The following IGF2BP1 variants were observed in gnomAD, a reference collection of about 807,000 sequenced individuals.
The protein encoded by IGF2BP1 is insulin-like growth factor 2 mRNA-binding protein 1.
A neutral mutation model predicts 74.9 loss-of-function variants in IGF2BP1; 11 were observed. That is an observed-to-expected ratio of 0.15 (90% CI 0.09 to 0.24). The LOEUF (loss-of-function observed/expected upper bound fraction) is 0.24. Ranked by LOEUF, IGF2BP1 falls within the 10% of genes least tolerant of loss-of-function variation. The probability of loss-of-function intolerance (pLI) is 1.00; values close to 1 mark genes in which losing one functional copy is unlikely to be tolerated. For synonymous variants in IGF2BP1, 287 were observed against 281.8 expected (o/e 1.02, Z -0.18); for missense variants, 440 against 757.4 (o/e 0.58, Z 4.92).
At chr17:49,036,540 G>A (rs2041990943) in intron 5 of IGF2BP1, 1 of 151,582 alleles carries the variant, frequency 6.6e-6, no homozygotes, top group African/African-American at 2.4e-5. Context: ...TTTTTTTTGT[G>A]CACCAGCAGC....
chr17:49,026,649 C>G, intron 4 of IGF2BP1, 132 bp downstream of exon 4: 1 of 645,654 alleles, frequency 1.5e-6, no homozygotes, highest in Non-Finnish European at 2.7e-6. Context: ...TCCTTCCTGC[C>G]TGCCTTCCTG....
chr17:49,055,603 C>T lies in IGF2BP1; in HGVS notation c.*6159C>T, dbSNP rs1308039685. ...GTAAAAGCACGTTCAAAATGAATTT[C>T]AGCAGATTATGTGTTACCATAATGA... On this transcript the variant is annotated 3_prime_UTR_variant, in exon 15 of 15. Transcript: ENST00000290341. The T allele has an allele frequency of 5.0e-6, 2 of 398,514 alleles. No homozygotes were observed. The highest frequency in any genetic ancestry group is 4.1e-5 in the African/African-American group (2 of 48,630). 24.7% of individuals were successfully genotyped at this position (398,514 alleles called of 1,614,324 possible).
intron 14 of IGF2BP1, among the ~76,000 whole-genome samples, chr17:49,048,620 T>C (rs9896443): frequency 0.54 from 82,540 of 151,718 alleles, 23,375 homozygotes; most frequent in African/African-American, 0.69. Flanking sequence ...GATGATGTCT[T>C]CTAAGTTACG....
intron 5 of IGF2BP1, among the ~76,000 whole-genome samples, chr17:49,032,517 TCTCA>T (rs1253782247): frequency 2.4e-4 from 37 of 152,300 alleles, no homozygotes; most frequent in Admixed American, 6.5e-4. Context: ...CAATTATGCG[TCTCA>T]CTCACTGTTA....
chr17:49,001,860 C>G (rs1236094985), intron 2 of IGF2BP1, among the ~76,000 whole-genome samples: 1 of 151,978 alleles, frequency 6.6e-6, no homozygotes, highest in East Asian at 1.9e-4. Flanking sequence ...AAGGGGGTAC[C>G]ATTTTAGTGT....
intron 2 of IGF2BP1, among the ~76,000 whole-genome samples, chr17:49,002,069 G>A (rs2041493883): frequency 6.6e-6 from 1 of 151,980 alleles, no homozygotes; most frequent in Non-Finnish European, 1.5e-5. Flanking sequence ...TTTTTTTAAA[G>A]GTGAAATGTG....
At chr17:49,032,013 G>T (rs781668687) in intron 5 of IGF2BP1, 40 bp downstream of exon 5, 82 of 1,512,194 alleles carry the variant, frequency 5.4e-5, no homozygotes, top group Non-Finnish European at 6.9e-5. Context: ...CGGTGGGGGG[G>T]GGTTCTGTGA....
At chr17:49,022,181 C>T (rs1300782278) in intron 2 of IGF2BP1, among the ~76,000 whole-genome samples, 3 of 152,140 alleles carry the variant, frequency 2.0e-5, no homozygotes. Flanking sequence ...CCATCTGGAT[C>T]CCCCAAGTTC....
chr17:49,049,226 C>A (rs552883457), intron 14 of IGF2BP1, 126 bp from the exon 15 acceptor site: 1 of 703,852 alleles, frequency 1.4e-6, no homozygotes, highest in East Asian at 2.9e-5. Flanking sequence ...TCCTCTTTAT[C>A]TTTCTTCTGA....
rs2042222525 is a variant in IGF2BP1, at chr17:49,055,783, T to G, written c.*6339T>G. Reference sequence around the variant, plus strand: ...ATCACTTACTCAGAAGAGGGAACGATGTATTTTGATGAGTGCAAATTGGGA... The same window carrying G: ...ATCACTTACTCAGAAGAGGGAACGAGGTATTTTGATGAGTGCAAATTGGGA... On this transcript the variant is annotated 3_prime_UTR_variant, in exon 15 of 15. Transcript: ENST00000290341. The G allele has an allele frequency of 2.5e-6, 1 of 396,932 alleles. No homozygotes were observed. Among genetic ancestry groups the G allele is most frequent in the Non-Finnish European group, 4.4e-6 (1 of 225,598 alleles). 24.6% of individuals were successfully genotyped at this position (396,932 alleles called of 1,614,324 possible). A position where few individuals can be genotyped will look rare whatever the true frequency, so the allele number is the denominator to read the frequency against.
At chr17:49,026,590 A>C in intron 4 of IGF2BP1, 73 bp downstream of exon 4, 1 of 1,308,688 alleles carries the variant, frequency 7.6e-7, no homozygotes, top group Non-Finnish European at 1.1e-6. Context: ...GTTCTGCTTC[A>C]CTTTGTTTCT....
chr17:49,000,162 T>C (rs2143910374), intron 2 of IGF2BP1, among the ~76,000 whole-genome samples: 1 of 152,230 alleles, frequency 6.6e-6, no homozygotes, highest in Middle Eastern at 3.4e-3. Context: ...AGTGTAGAGT[T>C]TGCTCTCATG....
At chr17:49,014,391 G>A (rs1185195192) in intron 2 of IGF2BP1, among the ~76,000 whole-genome samples, 1 of 151,322 alleles carries the variant, frequency 6.6e-6, no homozygotes, top group Non-Finnish European at 1.5e-5. Flanking sequence ...GCGAGGGGCC[G>A]TGTTCACCGC....
chr17:49,031,817 T>C, intron 4 of IGF2BP1, 93 bp from the exon 5 acceptor site: 1 of 1,166,226 alleles, frequency 8.6e-7, no homozygotes, highest in Non-Finnish European at 1.3e-6. Flanking sequence ...AGATGTCTTC[T>C]TGATCTCAAA....
chr17:49,043,325 TGGCCCACTTGCCTCTGG>T lies in IGF2BP1; in HGVS notation c.1078-99_1078-83del. 3.8e-6 allele frequency: 5 copies of T among 1,302,664 alleles called. No homozygotes were observed. The South Asian group carries it at 6.4e-5, about 17-fold the overall frequency. 80.7% of individuals were successfully genotyped at this position (1,302,664 alleles called of 1,614,324 possible). ...TGGAAAAGTATGTAATTCATGTTTT[TGGCCCACTTGCCTCTGG>T]GGCTACTCGCCTTTTATACAGCGGG... On this transcript the variant is annotated intron_variant, in intron 9 of 14. Coordinates refer to ENST00000290341, the MANE Select transcript of IGF2BP1 (RefSeq NM_006546.4).
Position 49,038,237 on chromosome 17 carries a change from G to A in IGF2BP1, c.471G>A (p.Glu157=). The A allele has an allele frequency of 6.3e-7, 1 of 1,583,856 alleles. No homozygotes were observed. Among genetic ancestry groups the A allele is most frequent in the Middle Eastern group, 1.7e-4 (1 of 5,936 alleles). ...TGAAGGTCTCCTACATCCCCGATGAGCAGATAGCACAGGGACCTGAGAATG... is the reference window on the plus strand; with the variant it reads ...TGAAGGTCTCCTACATCCCCGATGAACAGATAGCACAGGGACCTGAGAATG... ...HALKVSYIPD[E]QIAQGPENGR... is the part of the protein sequence containing the mutation. The change falls in exon 6 of 15, where the codon GAG becomes GAA. Residue 157 remains glutamate (E), a synonymous_variant. Transcript: ENST00000290341.
intron 2 of IGF2BP1, among the ~76,000 whole-genome samples, chr17:49,022,023 C>CTCCA (rs1168813582): frequency 1.3e-5 from 2 of 152,224 alleles, no homozygotes; most frequent in Non-Finnish European, 2.9e-5. Flanking sequence ...AGTCTGGATA[C>CTCCA]TCCAGTTCCC....
chr17:49,034,750 A>AAC (rs1555600252), intron 5 of IGF2BP1, among the ~76,000 whole-genome samples: 71 of 125,396 alleles, frequency 5.7e-4, no homozygotes, highest in African/African-American at 2.2e-3. Context: ...AAAAACACAA[A>AAC]AAAAACAAAA....
intron 2 of IGF2BP1, among the ~76,000 whole-genome samples, chr17:49,024,621 T>C (rs2144045221): frequency 6.6e-6 from 1 of 152,272 alleles, no homozygotes; most frequent in South Asian, 2.1e-4. Flanking sequence ...ATTATCTCTG[T>C]TTTACGTAGG....
Sources: gnomAD v4.1 joint callset for allele counts (sites outside exome capture counted in the v4.1 genomes callset) on GRCh38, gnomAD v4.1.1 for gene constraint, MANE v1.5 for transcripts, NCBI Gene and HGNC (gene_info 2026-07-23, HGNC 2026-07-21) for gene names.